The following CNTN6 variants were observed in gnomAD, a reference collection of about 807,000 sequenced individuals.
CNTN6 encodes the protein contactin-6.
Under a neutral mutation model 122.8 loss-of-function variants are expected in CNTN6, and 137 were observed. The ratio of observed to expected loss-of-function variants is 1.12; its 90% CI spans 0.97 to 1.29. The LOEUF (loss-of-function observed/expected upper bound fraction) is 1.29. CNTN6 is among the 50% of genes most tolerant of loss of function. The pLI is 0.00. For synonymous variants in CNTN6, 570 were observed against 426.0 expected, an observed-to-expected ratio of 1.34 and a Z score of -4.16; for missense variants, 1,634 against 1,223.4, an observed-to-expected ratio of 1.34 and a Z score of -5.01.
chr3:1,276,556 A>C (rs531513705), intron 4 of CNTN6, among the ~76,000 whole-genome samples: 1 of 152,166 alleles, frequency 6.6e-6, no homozygotes, highest in Non-Finnish European at 1.5e-5. Flanking sequence ...CCCATTATGC[A>C]CTAACAACAC....
intron 12 of CNTN6, among the ~76,000 whole-genome samples, chr3:1,359,256 A>G (rs769612783): frequency 3.9e-5 from 6 of 152,160 alleles, no homozygotes; most frequent in Non-Finnish European, 7.4e-5. Context: ...TTTATTACAC[A>G]GAATCTACAG....
chr3:1,341,130 C>G (rs924099228), intron 11 of CNTN6, among the ~76,000 whole-genome samples: 1 of 151,976 alleles, frequency 6.6e-6, no homozygotes, highest in Non-Finnish European at 1.5e-5. Context: ...TAACTCTCTC[C>G]TCTATTGTAT....
chr3:1,112,880 T>G (rs2091546086), intron 1 of CNTN6, among the ~76,000 whole-genome samples: 1 of 152,068 alleles, frequency 6.6e-6, no homozygotes, highest in Non-Finnish European at 1.5e-5. Context: ...GAGGAAGTTG[T>G]ATTGGGGAGA....
chr3:1,368,258 C>A (rs1402507183), intron 12 of CNTN6, among the ~76,000 whole-genome samples: 1 of 152,124 alleles, frequency 6.6e-6, no homozygotes, highest in Admixed American at 6.5e-5. Context: ...TGTACAACCT[C>A]CACAAGTTAC....
At chr3:1,294,922 TA>T (rs1303003498) in intron 5 of CNTN6, among the ~76,000 whole-genome samples, 1 of 152,116 alleles carries the variant, frequency 6.6e-6, no homozygotes, top group Non-Finnish European at 1.5e-5. Context: ...GGTTTTACAC[TA>T]AGACCTAAAA....
rs952984086 is a variant in CNTN6 at position 1,249,759 on chromosome 3, C to G, written c.358+21766C>G. 3.3e-5 allele frequency among the ~76,000 whole-genome samples: 5 copies of G among 152,300 alleles called. No homozygotes were observed. In the South Asian group the frequency reaches 8.3e-4, roughly 25 times the overall value. The stretch of plus-strand genomic sequence containing the variant: ...AATTCTTCCAGAAATCCCATCCAAA[C>G]AAGCTACTAGAGTTCTTAGTAGGGT... On this transcript the variant is annotated intron_variant, in intron 4 of 22. Transcript: ENST00000446702.
intron 7 of CNTN6, among the ~76,000 whole-genome samples, chr3:1,311,236 TATATATAC>T (rs1393661416): frequency 3.4e-5 from 5 of 147,374 alleles, no homozygotes; most frequent in Non-Finnish European, 7.5e-5. Flanking sequence ...CATATATGTG[TATATATAC>T]ACATATATAT....
At chr3:1,114,264 T>A (rs932046444) in intron 1 of CNTN6, among the ~76,000 whole-genome samples, 39 of 152,180 alleles carry the variant, frequency 2.6e-4, no homozygotes, top group Non-Finnish European at 5.1e-4. Context: ...ATTCTTTATT[T>A]GTATTCACCA....
chr3:1,372,629 T>C (rs1489883570), intron 13 of CNTN6, among the ~76,000 whole-genome samples, 155 bp downstream of exon 13: 1 of 152,164 alleles, frequency 6.6e-6, no homozygotes. Context: ...TTATTTTGTT[T>C]CGTGTCTTCC....
intron 2 of CNTN6, among the ~76,000 whole-genome samples, chr3:1,195,464 T>G (rs1050386004): frequency 4.6e-5 from 7 of 152,208 alleles, no homozygotes; most frequent in African/African-American, 1.4e-4. Flanking sequence ...TCTTGAGAGA[T>G]ATTTGTTAGA....
At chr3:1,271,971 G>T (rs1212638754) in intron 4 of CNTN6, among the ~76,000 whole-genome samples, 1 of 152,138 alleles carries the variant, frequency 6.6e-6, no homozygotes, top group African/African-American at 2.4e-5. Flanking sequence ...GTCATGGGAG[G>T]GACCCAGTGG....
intron 7 of CNTN6, among the ~76,000 whole-genome samples, chr3:1,317,900 A>G (rs1700317295): frequency 6.6e-6 from 1 of 151,724 alleles, no homozygotes; most frequent in Non-Finnish European, 1.5e-5. Flanking sequence ...AAAAAAAAAA[A>G]AAAAGCAAAC....
chr3:1,099,254 A>G (rs1434433352), intron 1 of CNTN6, among the ~76,000 whole-genome samples: 1 of 152,008 alleles, frequency 6.6e-6, no homozygotes, highest in East Asian at 1.9e-4. Flanking sequence ...GATCGAGACC[A>G]TCCTGGCTAA....
intron 17 of CNTN6, 115 bp from the exon 18 acceptor site, chr3:1,382,825 CAG>C (rs1343388302): frequency 4.2e-6 from 3 of 706,654 alleles, no homozygotes; most frequent in African/African-American, 1.8e-5. Flanking sequence ...CATCATTAAA[CAG>C]AATAAATATC....
chr3:1,241,778 G>T (rs372537721), intron 4 of CNTN6, among the ~76,000 whole-genome samples: 3 of 151,644 alleles, frequency 2.0e-5, no homozygotes, highest in African/African-American at 7.3e-5. Flanking sequence ...GTCAGTCAAG[G>T]CCTCGGCGGT....
chr3:1,256,298 T>G (rs1445437421), intron 4 of CNTN6, among the ~76,000 whole-genome samples: 1 of 152,072 alleles, frequency 6.6e-6, no homozygotes, highest in African/African-American at 2.4e-5. Flanking sequence ...CGTGAAAGTG[T>G]GGGTGAGAGG....
At chr3:1,202,170 A>C (rs1395631272) in intron 2 of CNTN6, among the ~76,000 whole-genome samples, 1 of 152,228 alleles carries the variant, frequency 6.6e-6, no homozygotes, top group Non-Finnish European at 1.5e-5. Flanking sequence ...AAACATAGAA[A>C]CATGTTGATA....
At chr3:1,367,443 T>C (rs1057503727) in intron 12 of CNTN6, among the ~76,000 whole-genome samples, 5 of 152,106 alleles carry the variant, frequency 3.3e-5, no homozygotes, top group African/African-American at 1.2e-4. Flanking sequence ...CAGAGCCCTG[T>C]GCTGAGGAAG....
At chr3:1,300,989 C>T (rs1483564798) in intron 7 of CNTN6, among the ~76,000 whole-genome samples, 1 of 142,930 alleles carries the variant, frequency 7.0e-6, no homozygotes, top group Admixed American at 7.0e-5. Flanking sequence ...TATTAAATTG[C>T]AAAAGGTAAA....
Sources: allele counts gnomAD v4.1 joint callset (sites outside exome capture counted in the v4.1 genomes callset), GRCh38; gene constraint gnomAD v4.1.1; transcripts MANE v1.5; gene names NCBI Gene and HGNC (gene_info 2026-07-23, HGNC 2026-07-21).